GLB1L2: variants seen among roughly 807,000 people sequenced by gnomAD.
GLB1L2 encodes galactosidase beta 1 like 2, also known as beta-galactosidase-1-like protein 2.
GLB1L2 carries 68 observed loss-of-function variants against 84.1 expected under a neutral mutation model. The ratio of observed to expected loss-of-function variants is 0.81; its 90% CI spans 0.67 to 0.99. The LOEUF is 0.99. GLB1L2 is among the 50% of genes least tolerant of loss of function. GLB1L2 has a pLI of 0.00. For synonymous variants in GLB1L2, 290 were observed against 318.0 expected, an observed-to-expected ratio of 0.91 and a Z score of 0.94; for missense variants, 762 against 805.6, an observed-to-expected ratio of 0.95 and a Z score of 0.66.
intron 4 of GLB1L2, chr11:134,346,267 A>T (rs1943551079): frequency 6.6e-6 from 1 of 152,520 alleles, no homozygotes; most frequent in Non-Finnish European, 1.5e-5. Flanking sequence ...CTAGTCACGA[A>T]CACAGCCAGG....
intron 2 of GLB1L2, among the ~76,000 whole-genome samples, chr11:134,343,274 A>G (rs1469006794): frequency 1.3e-5 from 2 of 152,312 alleles, no homozygotes; most frequent in East Asian, 3.9e-4. Flanking sequence ...TTATACAGCC[A>G]GTGAACGGAG....
Position 134,364,349 on chromosome 11 carries a change from A to G in GLB1L2, c.755A>G (p.Gln252Arg). The stretch of plus-strand genomic sequence containing the variant: ...ACAGTCTTGGCCACCATCAACTTGC[A>G]GTCAACACACGAGCTGCAGCTACTG... ...VQGVLATINL[Q>R]STHELQLLTT... Residue 252 changes from glutamine (Q) to arginine (R), a missense_variant, in exon 8 of 19, where the codon CAG becomes CGG. Gln to Arg is a conservative substitution (Grantham distance 43). Coordinates refer to ENST00000535456, the MANE Select transcript of GLB1L2 (RefSeq NM_001370461.1). 6.2e-7 allele frequency: 1 copy of G among 1,614,002 alleles called. No homozygotes were observed. Among genetic ancestry groups the G allele is most frequent in the Non-Finnish European group, 8.5e-7 (1 of 1,179,924 alleles).
chr11:134,353,533 G>GTA (rs1325422458), intron 5 of GLB1L2, among the ~76,000 whole-genome samples: 7 of 152,128 alleles, frequency 4.6e-5, no homozygotes, highest in Non-Finnish European at 8.8e-5. Context: ...GGAATGTTGT[G>GTA]TATATATATG....
Position 134,349,376 on chromosome 11 carries a change from A to G in GLB1L2, c.558+1943A>G, listed in dbSNP as rs1161068787. Among the ~76,000 whole-genome samples, 21 of 152,184 alleles carry G rather than the reference A, an allele frequency of 1.4e-4. 1 individual carries two copies. On this transcript the variant is annotated intron_variant, in intron 5 of 18. Coordinates refer to ENST00000535456, the MANE Select transcript of GLB1L2 (RefSeq NM_001370461.1). ...TTTGAGTTGCTTCTGCCTTTTGGCC[A>G]CTGTAAATAAAGCTGCTGTGAGCAT...
At position 134,337,719 on chromosome 11, in the gene GLB1L2, T is replaced by C. The variant is rs537199333; in HGVS notation, c.87-5035T>C. ...CATCCAAGTGAGGAATTCCCATGTG[T>C]TTGATGTCTTTGTGGGCAGCTGAAC... On this transcript the variant is annotated intron_variant, in intron 1 of 18. Transcript: ENST00000535456. 2.6e-5 allele frequency among the ~76,000 whole-genome samples: 4 copies of C among 152,268 alleles called. No individual in the cohort carries two copies. The South Asian group carries it at 8.3e-4, about 32-fold the overall frequency.
chr11:134,333,850 G>A (rs1294454534), intron 1 of GLB1L2, among the ~76,000 whole-genome samples: 1 of 152,164 alleles, frequency 6.6e-6, no homozygotes, highest in Non-Finnish European at 1.5e-5. Flanking sequence ...GGCCTGCCTG[G>A]GAAGGATGTT....
intron 1 of GLB1L2, among the ~76,000 whole-genome samples, chr11:134,337,562 C>T (rs1187622232): frequency 6.6e-6 from 1 of 152,196 alleles, no homozygotes; most frequent in Non-Finnish European, 1.5e-5. Context: ...GAGAACATGG[C>T]TGAAGGCTGC....
At chr11:134,361,999 A>G (rs987243620) in intron 7 of GLB1L2, among the ~76,000 whole-genome samples, 1 of 152,090 alleles carries the variant, frequency 6.6e-6, no homozygotes, top group African/African-American at 2.4e-5. Context: ...TACGCTCACC[A>G]TGGTGGGCCG....
intron 2 of GLB1L2, 146 bp downstream of exon 2, chr11:134,343,097 C>A: frequency 1.3e-6 from 1 of 786,430 alleles, no homozygotes; most frequent in Non-Finnish European, 2.0e-6. Context: ...CACCACAGAG[C>A]TCCTGACTCA....
chr11:134,351,754 ATGT>A (rs745840152), intron 5 of GLB1L2, among the ~76,000 whole-genome samples: 40 of 152,204 alleles, frequency 2.6e-4, no homozygotes, highest in Non-Finnish European at 5.0e-4. Context: ...GTTGGCTAAC[ATGT>A]TGTTGAGGGT....
intron 1 of GLB1L2, among the ~76,000 whole-genome samples, chr11:134,332,536 C>T (rs887576990): frequency 1.3e-5 from 2 of 152,172 alleles, no homozygotes; most frequent in African/African-American, 4.8e-5. Flanking sequence ...TGCCCTTCCC[C>T]CAGGCCCCCC....
At position 134,338,429 on chromosome 11, in the gene GLB1L2, C is replaced by G. The variant is rs1943417561; in HGVS notation, c.87-4325C>G. On this transcript the variant is annotated intron_variant, in intron 1 of 18. Coordinates refer to ENST00000535456, the MANE Select transcript of GLB1L2 (RefSeq NM_001370461.1). The surrounding 1 kb of genome is among the most constrained non-coding windows in gnomAD (Gnocchi z 6.2). ...CTGCAAGATCCCCTCTGAAACTTGA[C>G]AGCCAGTCCCATTCCCAGAAAGAGG... Among the ~76,000 whole-genome samples, 1 of 152,194 alleles carries G rather than the reference C, an allele frequency of 6.6e-6. No individual in the cohort carries two copies. Among genetic ancestry groups the G allele is most frequent in the African/African-American group, 2.4e-5 (1 of 41,458 alleles).
At position 134,370,515 on chromosome 11, in the gene GLB1L2, GC is replaced by G; in HGVS notation, c.1215+118del. The G allele has an allele frequency of 1.3e-6, 1 of 758,780 alleles. No individual in the cohort carries two copies. The highest frequency in any genetic ancestry group is 1.6e-5 in the South Asian group (1 of 64,100). The allele number at this position is 758,780 out of a possible 1,614,324, so 47.0% of individuals were successfully genotyped here. On this transcript the variant is annotated intron_variant, in intron 12 of 18. Transcript: ENST00000535456. The surrounding 1 kb of genome is among the most constrained non-coding windows in gnomAD (Gnocchi z 4.7). Reference sequence around the variant, plus strand: ...AGGTGAGAGTCGTCGGGGCAGCAGGGCCTGGAGCCCCTCCAGACAGGGAGTG... The same window carrying G: ...AGGTGAGAGTCGTCGGGGCAGCAGGGCTGGAGCCCCTCCAGACAGGGAGTG...
intron 10 of GLB1L2, 76 bp downstream of exon 10, chr11:134,368,857 C>G: frequency 6.6e-7 from 1 of 1,513,864 alleles, no homozygotes; most frequent in Admixed American, 1.8e-5. Context: ...GAGAGGCCCT[C>G]AGGGTCAACT....
At chr11:134,371,586 C>A in intron 14 of GLB1L2, 94 bp downstream of exon 14, 1 of 1,015,436 alleles carries the variant, frequency 9.8e-7, no homozygotes, top group Non-Finnish European at 1.6e-6. Flanking sequence ...AGACCCGTGG[C>A]TCCTTACCCA....
At chr11:134,361,461 C>T (rs1433003197) in intron 7 of GLB1L2, 3 of 152,328 alleles carry the variant, frequency 2.0e-5, no homozygotes, top group African/African-American at 4.8e-5. Flanking sequence ...ACTGCAGGCA[C>T]CTGCCACGTG....
At chr11:134,336,653 G>A (rs1943392296) in intron 1 of GLB1L2, among the ~76,000 whole-genome samples, 1 of 152,080 alleles carries the variant, frequency 6.6e-6, no homozygotes, top group African/African-American at 2.4e-5. Context: ...CAATGTAAAG[G>A]AGATTCCGAG....
At chr11:134,369,746 G>C in intron 10 of GLB1L2, 59 bp from the exon 11 acceptor site, 6 of 1,467,336 alleles carry the variant, frequency 4.1e-6, no homozygotes, top group Non-Finnish European at 5.6e-6. Context: ...CCTGTTCTTC[G>C]TGCTACATGT....
At position 134,367,254 on chromosome 11, in the gene GLB1L2, C is replaced by T; in HGVS notation, c.805-3C>T. Reference sequence around the variant, plus strand: ...TGTCTAACTCTCATTTTGTGGTGTCCAGGGGACTCAGCCCAAGATGGTGAT... The same window carrying T: ...TGTCTAACTCTCATTTTGTGGTGTCTAGGGGACTCAGCCCAAGATGGTGAT... On this transcript the variant is annotated splice_polypyrimidine_tract_variant and splice_region_variant and intron_variant, in intron 8 of 18. Coordinates refer to ENST00000535456, the MANE Select transcript of GLB1L2 (RefSeq NM_001370461.1). 1 of 1,613,524 alleles carries T rather than the reference C, an allele frequency of 6.2e-7. No individual in the cohort carries two copies. The highest frequency in any genetic ancestry group is 8.5e-7 in the Non-Finnish European group (1 of 1,179,526).
Sources: allele counts gnomAD v4.1 joint callset (sites outside exome capture counted in the v4.1 genomes callset), GRCh38; gene constraint gnomAD v4.1.1; non-coding constraint Gnocchi (gnomAD v3.1); transcripts MANE v1.5; gene names NCBI Gene and HGNC (gene_info 2026-07-23, HGNC 2026-07-21).